MGAT4C: variants seen among roughly 807,000 people sequenced by gnomAD.
The protein encoded by MGAT4C is alpha-1,3-mannosyl-glycoprotein 4-beta-N-acetylglucosaminyltransferase C.
In MGAT4C, 19 loss-of-function variants were observed where a neutral mutation model predicts 40.1. The ratio of observed to expected loss-of-function variants is 0.47; its 90% CI spans 0.33 to 0.70. The LOEUF (loss-of-function observed/expected upper bound fraction) is 0.70, where lower values mean the gene tolerates loss of function less well. MGAT4C is among the 30% of genes least tolerant of loss of function. The pLI, the probability that MGAT4C is intolerant of heterozygous loss-of-function variation, is 0.02. For missense variants in MGAT4C, 491 were observed against 563.2 expected, an observed-to-expected ratio of 0.87 and a Z score of 1.30; for synonymous variants, 181 against 187.1, an observed-to-expected ratio of 0.97 and a Z score of 0.27.
At chr12:86,314,777 T>C (rs932854193) in intron 4 of MGAT4C, among the ~76,000 whole-genome samples, 2 of 152,098 alleles carry the variant, frequency 1.3e-5, no homozygotes, top group African/African-American at 4.8e-5. Context: ...TACGTAAGAA[T>C]ACAATTATCT....
intron 3 of MGAT4C, among the ~76,000 whole-genome samples, chr12:86,363,243 A>T (rs1955521839): frequency 6.6e-6 from 1 of 152,148 alleles, no homozygotes; most frequent in Non-Finnish European, 1.5e-5. Context: ...ACATTTGTCA[A>T]GATAGGTCTC....
intron 2 of MGAT4C, among the ~76,000 whole-genome samples, chr12:86,479,904 C>T (rs903335855): frequency 6.6e-6 from 1 of 151,748 alleles, no homozygotes; most frequent in Admixed American, 6.6e-5. Context: ...TGACTAAACA[C>T]TGAAAAACAA....
At chr12:86,507,797 T>TA (rs1958497163) in intron 2 of MGAT4C, among the ~76,000 whole-genome samples, 2 of 152,158 alleles carry the variant, frequency 1.3e-5, no homozygotes, top group Non-Finnish European at 2.9e-5. Context: ...AAAATTGAGT[T>TA]TTAATTATTC....
chr12:86,499,543 T>G (rs78096493), intron 2 of MGAT4C, among the ~76,000 whole-genome samples: 2 of 150,860 alleles, frequency 1.3e-5, no homozygotes, highest in African/African-American at 4.9e-5. Flanking sequence ...CAATCGTCTC[T>G]TTTTTTTTAA....
intron 4 of MGAT4C, among the ~76,000 whole-genome samples, chr12:86,304,409 G>C (rs1459535659): frequency 6.7e-6 from 1 of 150,368 alleles, no homozygotes; most frequent in Non-Finnish European, 1.5e-5. Flanking sequence ...AATTTCTAAA[G>C]CTATTAGATT....
intron 2 of MGAT4C, among the ~76,000 whole-genome samples, chr12:86,579,397 AC>A (rs1864713353): frequency 6.6e-6 from 1 of 151,604 alleles, no homozygotes; most frequent in Non-Finnish European, 1.5e-5. Context: ...TGATATAAAT[AC>A]TATTTGCATA....
At chr12:86,483,986 T>C (rs1254703969) in intron 2 of MGAT4C, among the ~76,000 whole-genome samples, 2 of 151,748 alleles carry the variant, frequency 1.3e-5, no homozygotes, top group Non-Finnish European at 2.9e-5. Context: ...CAAAAAAGCA[T>C]GAAATCTTGT....
intron 2 of MGAT4C, chr12:86,495,119 C>T (rs531444443): frequency 1.3e-5 from 2 of 151,860 alleles, no homozygotes; most frequent in South Asian, 4.2e-4. Flanking sequence ...TTAGAAATAC[C>T]CAAATATCTT....
chr12:86,292,508 C>T (rs1953548770), intron 4 of MGAT4C, among the ~76,000 whole-genome samples: 1 of 151,770 alleles, frequency 6.6e-6, no homozygotes, highest in African/African-American at 2.4e-5. Flanking sequence ...CAGCAGGGCC[C>T]ATTTTCCCCC....
intron 4 of MGAT4C, among the ~76,000 whole-genome samples, chr12:86,275,351 T>C: frequency 6.6e-6 from 1 of 152,078 alleles, no homozygotes; most frequent in East Asian, 1.9e-4. Context: ...ATTATCCTTC[T>C]AAACTTGTGT....
At chr12:86,775,973 G>C (rs1951741795) in intron 1 of MGAT4C, among the ~76,000 whole-genome samples, 1 of 151,852 alleles carries the variant, frequency 6.6e-6, no homozygotes, top group Non-Finnish European at 1.5e-5. Context: ...ATAAAAATTT[G>C]ACTGAACGAA....
intron 1 of MGAT4C, among the ~76,000 whole-genome samples, chr12:86,810,565 C>G (rs1004267331): frequency 6.6e-6 from 1 of 151,234 alleles, no homozygotes; most frequent in South Asian, 2.1e-4. Context: ...TTGTTAAATG[C>G]TCTTGTGTCA....
intron 1 of MGAT4C, among the ~76,000 whole-genome samples, chr12:86,818,636 C>A (rs898718800): frequency 1.0e-4 from 15 of 150,264 alleles, no homozygotes; most frequent in Non-Finnish European, 1.6e-4. Flanking sequence ...CACATGTATA[C>A]ATTCAACAGG....
intron 3 of MGAT4C, among the ~76,000 whole-genome samples, chr12:86,388,850 T>G (rs1250539893): frequency 6.6e-6 from 1 of 151,348 alleles, no homozygotes; most frequent in East Asian, 1.9e-4. Context: ...CCTGGCTAAT[T>G]TTTTTGTATT....
intron 2 of MGAT4C, among the ~76,000 whole-genome samples, chr12:86,636,964 G>A (rs1963236935): frequency 6.6e-6 from 1 of 151,782 alleles, no homozygotes; most frequent in Non-Finnish European, 1.5e-5. Context: ...TTTGTATTAA[G>A]TGTTGGTCAT....
intron 1 of MGAT4C, among the ~76,000 whole-genome samples, chr12:86,756,171 G>C: frequency 6.6e-6 from 1 of 152,010 alleles, no homozygotes; most frequent in Non-Finnish European, 1.5e-5. Flanking sequence ...ATCAAGGCTG[G>C]CCATTGTTTC....
chr12:86,356,147 A>C (rs2136196331), intron 3 of MGAT4C, among the ~76,000 whole-genome samples: 1 of 152,318 alleles, frequency 6.6e-6, no homozygotes, highest in African/African-American at 2.4e-5. Flanking sequence ...TGAAAGTCAA[A>C]AAAATTTAAA....
At chr12:86,785,851 T>G (rs1446249964) in intron 1 of MGAT4C, among the ~76,000 whole-genome samples, 2 of 151,792 alleles carry the variant, frequency 1.3e-5, no homozygotes, top group African/African-American at 4.8e-5. Context: ...GTACCCAAAA[T>G]TTTCCCATTT....
In MGAT4C at chr12:86,770,617, T is replaced by C. The variant is rs530562003; in HGVS notation, c.-261-43376A>G. 2.6e-5 allele frequency among the ~76,000 whole-genome samples: 4 copies of C among 152,174 alleles called. No homozygotes were observed. In the South Asian group the frequency reaches 8.3e-4, roughly 32 times the overall value. On this transcript the variant is annotated intron_variant, in intron 1 of 7. Transcript: ENST00000548651. ...TTTTGCATAGATAATGTAGTAATCATAGAAAATGGTAATGAATTTCAGATG... is the reference window on the plus strand; with the variant it reads ...TTTTGCATAGATAATGTAGTAATCACAGAAAATGGTAATGAATTTCAGATG...
Sources: gnomAD v4.1 joint callset for allele counts (sites outside exome capture counted in the v4.1 genomes callset) on GRCh38, gnomAD v4.1.1 for gene constraint, MANE v1.5 for transcripts, NCBI Gene and HGNC (gene_info 2026-07-23, HGNC 2026-07-21) for gene names.